Variants in TMEM184B observed in about 807,000 individuals in gnomAD.
TMEM184B encodes the protein putative MAPK-activating protein FM08.
A neutral mutation model predicts 41.8 loss-of-function variants in TMEM184B; 17 were observed. The observed-to-expected ratio is 0.41, with a 90% confidence interval of 0.28 to 0.61. The LOEUF (loss-of-function observed/expected upper bound fraction) is 0.61, where lower values mean the gene tolerates loss of function less well. TMEM184B is among the 20% of genes least tolerant of loss of function. TMEM184B has a pLI of 0.34. For missense variants in TMEM184B, 393 were observed against 557.8 expected, an observed-to-expected ratio of 0.70 and a Z score of 2.98; for synonymous variants, 240 against 229.5, an observed-to-expected ratio of 1.05 and a Z score of -0.41.
intron 5 of TMEM184B, 128 bp downstream of exon 5, chr22:38,230,541 G>A: frequency 4.6e-6 from 4 of 860,662 alleles, no homozygotes; most frequent in South Asian, 1.5e-5. Flanking sequence ...TCGGGGGGTG[G>A]GTGCTGGGGG....
At chr22:38,250,729 G>A (rs1031445314) in intron 1 of TMEM184B, among the ~76,000 whole-genome samples, 7 of 151,884 alleles carry the variant, frequency 4.6e-5, no homozygotes, top group African/African-American at 1.7e-4. Flanking sequence ...CATGACTAAG[G>A]GCGGTGTTGA....
At chr22:38,255,120 G>C (rs1333545256) in intron 1 of TMEM184B, among the ~76,000 whole-genome samples, 1 of 152,184 alleles carries the variant, frequency 6.6e-6, no homozygotes, top group Non-Finnish European at 1.5e-5. Context: ...CCACCTCCCT[G>C]GTTCAAGCTA....
intron 1 of TMEM184B, among the ~76,000 whole-genome samples, chr22:38,252,695 C>A (rs986365548): frequency 6.6e-6 from 1 of 152,178 alleles, no homozygotes; most frequent in African/African-American, 2.4e-5. Context: ...AACCAGGCTT[C>A]TGCTGTGAGT....
chr22:38,261,543 C>T (rs948134754), intron 1 of TMEM184B, among the ~76,000 whole-genome samples: 7 of 152,176 alleles, frequency 4.6e-5, no homozygotes, highest in African/African-American at 1.7e-4. Context: ...AGTCCCTCAG[C>T]GAGGGCTTAC....
At chr22:38,217,770 G>A (rs566584291), downstream of TMEM184B, among the ~76,000 whole-genome samples, 2 of 147,362 alleles carry the variant, frequency 1.4e-5, no homozygotes, top group South Asian at 2.1e-4. Context: ...AGCAGAGGTT[G>A]CAGTAAGCTG....
intron 3 of TMEM184B, among the ~76,000 whole-genome samples, chr22:38,237,809 T>C (rs948150637): frequency 2.0e-5 from 3 of 151,908 alleles, no homozygotes; most frequent in Non-Finnish European, 4.4e-5. Flanking sequence ...GTCTTTTTTT[T>C]TTTTTTTTTA....
At chr22:38,256,969 C>T (rs1380450404) in intron 1 of TMEM184B, among the ~76,000 whole-genome samples, 3 of 143,690 alleles carry the variant, frequency 2.1e-5, no homozygotes, top group Non-Finnish European at 4.5e-5. Context: ...TGGAAGTGGA[C>T]ATTAATAGTT....
chr22:38,241,883 C>CAAAAAAAAAAAAAAAAAA lies in TMEM184B; in HGVS notation c.358+4034_358+4051dup, dbSNP rs34060428. 1.7e-3 allele frequency among the ~76,000 whole-genome samples: 56 copies of CAAAAAAAAAAAAAAAAAA among 32,606 alleles called. 3 individuals are homozygous for CAAAAAAAAAAAAAAAAAA. Among genetic ancestry groups the CAAAAAAAAAAAAAAAAAA allele is most frequent in the East Asian group, 5.5e-3 (5 of 916 alleles). The allele number at this position is 32,606 out of a possible 152,430, so 21.4% of individuals were successfully genotyped here. On this transcript the variant is annotated intron_variant, in intron 3 of 8. Transcript: ENST00000361906. ...TGGGTGACAGAGCGAGACTCCGTCT[C>CAAAAAAAAAAAAAAAAAA]AAAAAAAAAAAAAAAAAAAAAAAAG... is the stretch of plus-strand genomic sequence containing the variant.
At chr22:38,246,504 G>A (rs770161943) in intron 2 of TMEM184B, 2 of 270,008 alleles carry the variant, frequency 7.4e-6, no homozygotes, top group South Asian at 7.9e-5. Flanking sequence ...CTCCGGCTGT[G>A]ACTGTGGCAG....
chr22:38,219,042 G>A (rs1470542278), downstream of TMEM184B, among the ~76,000 whole-genome samples: 1 of 152,244 alleles, frequency 6.6e-6, no homozygotes, highest in Non-Finnish European at 1.5e-5. Flanking sequence ...GACCAAACAG[G>A]GAAGGAGCAT....
At chr22:38,248,986 T>C (rs1043008992) in intron 1 of TMEM184B, among the ~76,000 whole-genome samples, 5 of 152,164 alleles carry the variant, frequency 3.3e-5, no homozygotes, top group Non-Finnish European at 7.3e-5. Flanking sequence ...ACCCAGCCCA[T>C]GTGCCACCCC....
chr22:38,249,048 C>T (rs1301846252), intron 1 of TMEM184B, among the ~76,000 whole-genome samples: 1 of 152,342 alleles, frequency 6.6e-6, no homozygotes, highest in East Asian at 1.9e-4. Flanking sequence ...TCTAGCCATT[C>T]CGCATCCTCG....
chr22:38,241,121 G>A (rs925263418), intron 3 of TMEM184B, among the ~76,000 whole-genome samples: 1 of 152,202 alleles, frequency 6.6e-6, no homozygotes, highest in Non-Finnish European at 1.5e-5. Context: ...CAGGGCAACA[G>A]CTGAGCAGCG....
rs557710311 is a variant in TMEM184B, at chr22:38,266,942, G to C, written c.-59+5942C>G. Among the ~76,000 whole-genome samples the C allele has an allele frequency of 1.1e-4, 17 of 152,174 alleles. No homozygotes were observed. In the South Asian group the frequency reaches 3.5e-3, roughly 32 times the overall value. ...ACTAAAAATACAAAAAATTAGCCGGGCGCCGTGGCAGGTGCCTGTACTCCC... is the reference window on the plus strand; with the variant it reads ...ACTAAAAATACAAAAAATTAGCCGGCCGCCGTGGCAGGTGCCTGTACTCCC... On this transcript the variant is annotated intron_variant, in intron 1 of 8. Transcript: ENST00000361906.
chr22:38,269,070 A>C (rs1324917622), intron 1 of TMEM184B, among the ~76,000 whole-genome samples: 1 of 152,266 alleles, frequency 6.6e-6, no homozygotes, highest in Admixed American at 6.5e-5. Flanking sequence ...ATTTTTAAAC[A>C]GCAGGAATTA....
chr22:38,246,309 G>A (rs1035381014), intron 2 of TMEM184B, among the ~76,000 whole-genome samples: 5 of 152,224 alleles, frequency 3.3e-5, no homozygotes, highest in African/African-American at 9.7e-5. Flanking sequence ...CGTGCACAAG[G>A]CTCGTGGAGT....
chr22:38,262,408 C>T (rs765719997), intron 1 of TMEM184B, among the ~76,000 whole-genome samples: 3 of 152,046 alleles, frequency 2.0e-5, no homozygotes, highest in Non-Finnish European at 4.4e-5. Context: ...GACCTGGGCA[C>T]GTGGAGACTG....
Position 38,242,478 on chromosome 22 carries a change from T to TA in TMEM184B, c.358+3456dup, listed in dbSNP as rs542826506. On this transcript the variant is annotated intron_variant, in intron 3 of 8. Transcript: ENST00000361906. Reference sequence around the variant, plus strand: ...GGGCGACAGAGCGAGACTCCGTCTCTAAAAAAAAAAGAAAAAAAGCAAATG... The same window carrying TA: ...GGGCGACAGAGCGAGACTCCGTCTCTAAAAAAAAAAAGAAAAAAAGCAAATG... 2.7e-3 allele frequency among the ~76,000 whole-genome samples: 393 copies of TA among 146,788 alleles called. 1 individual carries two copies. Among genetic ancestry groups the TA allele is most frequent in the South Asian group, 0.014 (67 of 4,634 alleles).
Position 38,221,481 on chromosome 22 carries a change from A to G in TMEM184B, c.1212T>C (p.Asp404=), listed in dbSNP as rs761057103. ...CTGCAGCCCGCACCTAGAATTCATC[A>G]TCAGAGCTGAGCAGGAGAGTCTTCT... is the stretch of plus-strand genomic sequence containing the variant. ...DNEKTLLLSS[D]DEF Residue 404 remains aspartate, a synonymous_variant, in exon 9 of 9, where the codon GAT becomes GAC. Coordinates refer to ENST00000361906, the MANE Select transcript of TMEM184B (RefSeq NM_012264.5). 6.2e-7 allele frequency: 1 copy of G among 1,608,896 alleles called. No homozygotes were observed. Among genetic ancestry groups the G allele is most frequent in the East Asian group, 2.2e-5 (1 of 44,798 alleles).
Sources: gnomAD v4.1 joint callset for allele counts (sites outside exome capture counted in the v4.1 genomes callset) on GRCh38, gnomAD v4.1.1 for gene constraint, MANE v1.5 for transcripts, NCBI Gene and HGNC (gene_info 2026-07-23, HGNC 2026-07-21) for gene names.